Variants in TIAM2 observed in about 807,000 individuals in gnomAD.
TIAM2 encodes the protein TIAM Rac1 associated GEF 2.
A neutral mutation model predicts 152.9 loss-of-function variants in TIAM2; 80 were observed. The observed-to-expected ratio is 0.52, with a 90% CI of 0.44 to 0.63. The LOEUF (loss-of-function observed/expected upper bound fraction) is 0.63, where lower values mean the gene tolerates loss of function less well. Among genes scored for constraint, TIAM2 ranks in the 30% least tolerant of loss-of-function variants. The pLI is 0.00. For synonymous variants in TIAM2, 804 were observed against 838.0 expected, an observed-to-expected ratio of 0.96 and a Z score of 0.70; for missense variants, 1,965 against 2,120.1, an observed-to-expected ratio of 0.93 and a Z score of 1.44.
chr6:155,155,017 G>A (rs538159541), intron 7 of TIAM2, among the ~76,000 whole-genome samples: 3 of 152,308 alleles, frequency 2.0e-5, no homozygotes, highest in Middle Eastern at 3.4e-3. Flanking sequence ...CAAACCACTG[G>A]AGTGTAGCAT....
chr6:155,058,488 C>T (rs1475600126), intron 1 of TIAM2, among the ~76,000 whole-genome samples: 1 of 152,116 alleles, frequency 6.6e-6, no homozygotes, highest in Non-Finnish European at 1.5e-5. Context: ...CTATACAAAG[C>T]ACTGAAATAA....
At chr6:155,080,924 A>G (rs554768689) in intron 1 of TIAM2, among the ~76,000 whole-genome samples, 39 of 152,282 alleles carry the variant, frequency 2.6e-4, no homozygotes, top group African/African-American at 8.9e-4. Flanking sequence ...TCTTGAAATG[A>G]ACCTTGCCTG....
Position 155,241,085 on chromosome 6 carries a change from C to G in TIAM2, c.3348+376C>G, listed in dbSNP as rs1312340658. Among the ~76,000 whole-genome samples the G allele has an allele frequency of 2.0e-5, 3 of 152,300 alleles. No individual in the cohort carries two copies. In the South Asian group the frequency reaches 6.2e-4, roughly 32 times the overall value. ...AATCTGTACATACGTGACGGCTGATCCAGGCCCCACAGTCTTGGCGGTGGC... is the reference window on the plus strand; with the variant it reads ...AATCTGTACATACGTGACGGCTGATGCAGGCCCCACAGTCTTGGCGGTGGC... On this transcript the variant is annotated intron_variant, in intron 16 of 26. Coordinates refer to ENST00000682666, the MANE Select transcript of TIAM2 (RefSeq NM_012454.4).
chr6:155,023,042 G>GTTT (rs762200760), intron 1 of TIAM2, among the ~76,000 whole-genome samples: 1,947 of 87,946 alleles, frequency 0.022, 23 homozygotes, highest in South Asian at 0.038. Context: ...TTTTTGTTCT[G>GTTT]TTTTTTTTTT....
chr6:155,181,693 C>T (rs981412203), intron 12 of TIAM2, among the ~76,000 whole-genome samples: 1 of 152,172 alleles, frequency 6.6e-6, no homozygotes, highest in Non-Finnish European at 1.5e-5. Flanking sequence ...TCGGAATTCC[C>T]CTAGCAACCA....
chr6:155,246,954 G>T (rs545883051), intron 19 of TIAM2, among the ~76,000 whole-genome samples: 1 of 152,338 alleles, frequency 6.6e-6, no homozygotes, highest in African/African-American at 2.4e-5. Context: ...AGTAGCACTG[G>T]TGTATCCGCT....
At chr6:155,071,663 C>T (rs758422558) in intron 1 of TIAM2, among the ~76,000 whole-genome samples, 5 of 152,002 alleles carry the variant, frequency 3.3e-5, no homozygotes, top group East Asian at 1.9e-4. Flanking sequence ...CGAGCACTTT[C>T]AGAGGCCGAT....
intron 1 of TIAM2, among the ~76,000 whole-genome samples, chr6:155,028,711 A>G (rs1562294560): frequency 7.5e-6 from 1 of 132,534 alleles, no homozygotes; most frequent in South Asian, 2.3e-4. Flanking sequence ...TGTGTTATAT[A>G]TATACTACAT....
In TIAM2 at chr6:155,065,250, G is replaced by A. The variant is rs147920655; in HGVS notation, c.-208-25039G>A. Among the ~76,000 whole-genome samples the A allele has an allele frequency of 2.6e-3, 393 of 152,006 alleles. 6 individuals carry two copies. Among genetic ancestry groups the A allele is most frequent in the Admixed American group, 0.015 (230 of 15,250 alleles). On this transcript the variant is annotated intron_variant, in intron 1 of 26. Transcript: ENST00000682666. ...ATTACAGGCGTGAGCCACCATACCCGGCCATATATACAGTGTGAAACCATT... is the reference window on the plus strand; with the variant it reads ...ATTACAGGCGTGAGCCACCATACCCAGCCATATATACAGTGTGAAACCATT...
chr6:155,171,074 C>G (rs926301293), intron 9 of TIAM2, among the ~76,000 whole-genome samples: 2 of 152,172 alleles, frequency 1.3e-5, no homozygotes, highest in African/African-American at 4.8e-5. Context: ...GTAACCTGCA[C>G]AAACCTATTT....
Position 155,129,295 on chromosome 6 carries a change from G to A in TIAM2, c.72G>A (p.Lys24=), listed in dbSNP as rs1362207920. The A allele has an allele frequency of 3.7e-6, 6 of 1,614,204 alleles. No homozygotes were observed. Among genetic ancestry groups the A allele is most frequent in the Non-Finnish European group, 1.7e-6 (2 of 1,180,040 alleles). The part of the protein sequence containing the change: ...KNHSNTITGA[K]QIPCSLKIRG... Reference sequence around the variant, plus strand: ...ATAGCAATACTATTACTGGTGCTAAGCAAATTCCTTGCTCCCTGAAAATAC... The same window carrying A: ...ATAGCAATACTATTACTGGTGCTAAACAAATTCCTTGCTCCCTGAAAATAC... Residue 24 remains lysine (K), a synonymous_variant, in exon 4 of 27, where the codon AAG becomes AAA. Coordinates refer to ENST00000682666, the MANE Select transcript of TIAM2 (RefSeq NM_012454.4). This position sits in a 1 kb window ranked among gnomAD's most constrained non-coding sequence, Gnocchi z 4.8.
chr6:155,151,189 C>A (rs960992047), intron 7 of TIAM2, among the ~76,000 whole-genome samples: 1 of 152,190 alleles, frequency 6.6e-6, no homozygotes, highest in African/African-American at 2.4e-5. Context: ...CTCATCCTCA[C>A]GAGTCTGTGT....
intron 1 of TIAM2, among the ~76,000 whole-genome samples, chr6:155,044,087 A>T (rs924814765): frequency 1.3e-5 from 2 of 152,208 alleles, no homozygotes; most frequent in Non-Finnish European, 2.9e-5. Flanking sequence ...ATCCCTATAT[A>T]TGTTCACAAA....
intron 1 of TIAM2, among the ~76,000 whole-genome samples, chr6:155,057,541 C>CTTTTTTTTT (rs71023613): frequency 2.4e-4 from 19 of 80,050 alleles, no homozygotes; most frequent in East Asian, 3.2e-4. Flanking sequence ...CCATAATGTA[C>CTTTTTTTTT]TTTTTTTTTT....
At chr6:155,045,050 CTTTT>C (rs200620585) in intron 1 of TIAM2, among the ~76,000 whole-genome samples, 2 of 132,048 alleles carry the variant, frequency 1.5e-5, no homozygotes, top group Non-Finnish European at 1.6e-5. Context: ...TTTTCTTTTT[CTTTT>C]TTTTTTTTTT....
intron 14 of TIAM2, among the ~76,000 whole-genome samples, chr6:155,200,665 G>T (rs985785401): frequency 6.6e-6 from 1 of 152,146 alleles, no homozygotes; most frequent in African/African-American, 2.4e-5. Flanking sequence ...AGCACTTTGG[G>T]AGGCTGAGGT....
intron 2 of TIAM2, among the ~76,000 whole-genome samples, chr6:155,113,007 A>G (rs73573778): frequency 0.022 from 3,322 of 152,064 alleles, 135 homozygotes; most frequent in African/African-American, 0.076. Flanking sequence ...ATATCCACAC[A>G]GCAGCTACAC....
At chr6:155,239,932 T>C (rs1305793533) in intron 15 of TIAM2, among the ~76,000 whole-genome samples, 4 of 151,570 alleles carry the variant, frequency 2.6e-5, no homozygotes, top group Non-Finnish European at 5.9e-5. Flanking sequence ...TCTACTCCAT[T>C]ACTAGCATGT....
intron 1 of TIAM2, among the ~76,000 whole-genome samples, chr6:155,082,014 T>A (rs1456516098): frequency 6.6e-6 from 1 of 152,146 alleles, no homozygotes; most frequent in Non-Finnish European, 1.5e-5. Flanking sequence ...AGAAGCACTT[T>A]GCTCAATCTA....
Sources: gnomAD v4.1 joint callset for allele counts (sites outside exome capture counted in the v4.1 genomes callset) on GRCh38, gnomAD v4.1.1 for gene constraint, Gnocchi (gnomAD v3.1) non-coding constraint, MANE v1.5 for transcripts, NCBI Gene and HGNC (gene_info 2026-07-23, HGNC 2026-07-21) for gene names.